CARS2: variants seen among roughly 807,000 people sequenced by gnomAD.
CARS2 encodes probable cysteine--tRNA ligase, mitochondrial.
A neutral mutation model predicts 68.8 loss-of-function variants in CARS2; 52 were observed. The observed-to-expected ratio is 0.76, with a 90% confidence interval of 0.61 to 0.95. The LOEUF (loss-of-function observed/expected upper bound fraction) is 0.95. CARS2 is among the 40% of genes least tolerant of loss of function. CARS2 has a pLI of 0.00. For missense variants in CARS2, 780 were observed against 754.2 expected (o/e 1.03, Z -0.40); for synonymous variants, 314 against 303.6 (o/e 1.03, Z -0.36).
At chr13:110,687,883 G>T in intron 4 of CARS2, 57 bp from the exon 5 acceptor site, 1 of 1,557,800 alleles carries the variant, frequency 6.4e-7, no homozygotes, top group Non-Finnish European at 8.8e-7. Flanking sequence ...AGGTCAGCCA[G>T]CACCAGCTGT....
chr13:110,644,307 C>G (rs1429600093), intron 13 of CARS2, 78 bp downstream of exon 13: 48 of 1,450,322 alleles, frequency 3.3e-5, no homozygotes, highest in Non-Finnish European at 4.5e-5. Flanking sequence ...ATGCTCTATT[C>G]CAAGTTAAAA....
intron 11 of CARS2, chr13:110,646,882 C>G (rs1888200499): frequency 1.9e-6 from 1 of 515,002 alleles, no homozygotes; most frequent in South Asian, 3.3e-5. Context: ...TCCTGTCCAG[C>G]TCCCAGTCCC....
intron 12 of CARS2, chr13:110,644,850 T>TC (rs1283374398): frequency 3.5e-5 from 8 of 227,468 alleles, no homozygotes; most frequent in Non-Finnish European, 7.2e-5. Flanking sequence ...GTGGCTCACA[T>TC]CAGTTACCAA....
intron 7 of CARS2, among the ~76,000 whole-genome samples, chr13:110,674,766 C>A (rs1315677316): frequency 1.3e-5 from 2 of 152,206 alleles, no homozygotes; most frequent in Admixed American, 1.3e-4. Flanking sequence ...TCAGAGTGAA[C>A]AGGCAACCTA....
rs1394392941 is a variant in CARS2, at chr13:110,668,284, C to T, written c.786-811G>A. On this transcript the variant is annotated intron_variant, in intron 7 of 14. Coordinates refer to ENST00000257347, the MANE Select transcript of CARS2 (RefSeq NM_024537.4). The surrounding 1 kb of genome is among the most constrained non-coding windows in gnomAD (Gnocchi z 4.1). ...CTTAGCCGGGCGCGGTGGCTCACGC[C>T]TGTAAACACAGCACTTTGGGAGGCT... Among the ~76,000 whole-genome samples, 1 of 152,198 alleles carries T rather than the reference C, an allele frequency of 6.6e-6. No homozygotes were observed. Among genetic ancestry groups the T allele is most frequent in the East Asian group, 1.9e-4 (1 of 5,188 alleles).
At position 110,665,038 on chromosome 13, in the gene CARS2, A is replaced by G. The variant is rs1594288937; in HGVS notation, c.920-1520T>C. On this transcript the variant is annotated intron_variant, in intron 8 of 14. Coordinates refer to ENST00000257347, the MANE Select transcript of CARS2 (RefSeq NM_024537.4). This position sits in a 1 kb window ranked among gnomAD's most constrained non-coding sequence, Gnocchi z 4.3. ...CTCTTCCATCCACTGGGTACAGGAG[A>G]ACAGGTGTCACTTCTCCTGCGTCAG... 3.0e-6 allele frequency: 3 copies of G among 985,412 alleles called. No individual in the cohort carries two copies. In the South Asian group the frequency reaches 1.4e-4, roughly 46 times the overall value. 61.0% of individuals were successfully genotyped at this position (985,412 alleles called of 1,614,324 possible).
intron 1 of CARS2, chr13:110,712,908 G>A (rs2139960992): frequency 1.3e-6 from 2 of 1,536,068 alleles, no homozygotes; most frequent in East Asian, 2.4e-5. Context: ...ACAAAGGGAG[G>A]GCGGTGACGG....
exon 1 of CARS2, chr13:110,713,195 T>C: frequency 7.0e-7 from 1 of 1,424,782 alleles, no homozygotes; most frequent in Non-Finnish European, 9.1e-7. Flanking sequence ...GGCAAGTAGA[T>C]TGGCTACTGC....
At chr13:110,695,478 G>A (rs939539956) in intron 3 of CARS2, among the ~76,000 whole-genome samples, 1 of 151,990 alleles carries the variant, frequency 6.6e-6, no homozygotes. Context: ...ATGTGGGGAG[G>A]GGGTCCTGGA....
chr13:110,687,868 A>G, intron 4 of CARS2, 42 bp from the exon 5 acceptor site: 1 of 1,560,562 alleles, frequency 6.4e-7, no homozygotes, highest in Non-Finnish European at 8.8e-7. Flanking sequence ...CCTCGTGAGA[A>G]GCACAGGTCA....
At chr13:110,657,447 C>T (rs143441673) in intron 9 of CARS2, among the ~76,000 whole-genome samples, 2 of 152,248 alleles carry the variant, frequency 1.3e-5, no homozygotes, top group African/African-American at 4.8e-5. Flanking sequence ...CAGGAGGGCA[C>T]AACAGAGGCC....
At chr13:110,641,650 G>T in intron 14 of CARS2, 42 bp from the exon 15 acceptor site, 1 of 1,484,254 alleles carries the variant, frequency 6.7e-7, no homozygotes, top group Non-Finnish European at 9.4e-7. Context: ...CAGACACCAC[G>T]TCATGTGGCA....
intron 3 of CARS2, among the ~76,000 whole-genome samples, chr13:110,698,444 C>G (rs546845121): frequency 6.6e-5 from 10 of 151,384 alleles, no homozygotes; most frequent in Admixed American, 5.9e-4. Context: ...CGCCTGACCC[C>G]GGGATGTGGA....
chr13:110,698,235 C>T (rs2063679913), intron 3 of CARS2, among the ~76,000 whole-genome samples: 1 of 151,850 alleles, frequency 6.6e-6, no homozygotes, highest in Non-Finnish European at 1.5e-5. Flanking sequence ...AAAAAGAAAT[C>T]CAGGCCAGGC....
Position 110,713,014 on chromosome 13 carries a change from G to A in CARS2, n.399+123C>T, listed in dbSNP as rs375717214. ...GCGCACTCTGCGGCCGCAGCTCAAA[G>A]GACACCGAGAGGGTGCCAGTGCGCA... On this transcript the variant is annotated intron_variant and non_coding_transcript_variant, in intron 1 of 2. Transcript: ENST00000485188. The A allele has an allele frequency of 1.2e-5, 18 of 1,525,368 alleles. No homozygotes were observed. In the African/African-American group the frequency reaches 2.1e-4, roughly 17 times the overall value. The allele number at this position is 1,525,368 out of a possible 1,614,324, so 94.5% of individuals were successfully genotyped here.
intron 10 of CARS2, chr13:110,649,069 A>C (rs563146141): frequency 2.6e-4 from 39 of 152,344 alleles, no homozygotes; most frequent in African/African-American, 9.4e-4. Context: ...AGCCAGGCGG[A>C]AACAGTTTCT....
chr13:110,665,407 C>T lies in CARS2; in HGVS notation c.920-1889G>A. 2 of 969,844 alleles carry T rather than the reference C, an allele frequency of 2.1e-6. No individual in the cohort carries two copies. The highest frequency in any genetic ancestry group is 2.5e-6 in the Non-Finnish European group (2 of 815,584). The allele number at this position is 969,844 out of a possible 1,614,324, so 60.1% of individuals were successfully genotyped here. ...GTTGCGGTGAGCTCAGATAGTGCCA[C>T]TGCACTCCCAGGCTGGGGGACGGAG... On this transcript the variant is annotated intron_variant, in intron 8 of 14. Coordinates refer to ENST00000257347, the MANE Select transcript of CARS2 (RefSeq NM_024537.4). The surrounding 1 kb of genome is among the most constrained non-coding windows in gnomAD (Gnocchi z 4.3).
intron 9 of CARS2, among the ~76,000 whole-genome samples, chr13:110,659,320 G>C (rs769102050): frequency 6.6e-5 from 10 of 152,080 alleles, no homozygotes; most frequent in Non-Finnish European, 1.5e-4. Context: ...AGTTTTCCTT[G>C]TAAACAAAGC....
chr13:110,702,777 C>T (rs1414417286), intron 2 of CARS2, among the ~76,000 whole-genome samples: 1 of 152,168 alleles, frequency 6.6e-6, no homozygotes, highest in Non-Finnish European at 1.5e-5. Context: ...CACACACACG[C>T]CTTGCAAGTG....
Sources: allele counts gnomAD v4.1 joint callset (sites outside exome capture counted in the v4.1 genomes callset), GRCh38; gene constraint gnomAD v4.1.1; non-coding constraint Gnocchi (gnomAD v3.1); transcripts MANE v1.5; gene names NCBI Gene and HGNC (gene_info 2026-07-23, HGNC 2026-07-21).